AARS1: variants seen among roughly 807,000 people sequenced by gnomAD.
AARS1 encodes the protein alanyl-tRNA synthetase 1.
Under a neutral mutation model 108.9 loss-of-function variants are expected in AARS1, and 72 were observed. The ratio of observed to expected loss-of-function variants is 0.66; its 90% confidence interval spans 0.55 to 0.80. The LOEUF is 0.80. Among genes scored for constraint, AARS1 ranks in the 30% least tolerant of loss-of-function variants. The pLI is 0.00. For synonymous variants in AARS1, 489 were observed against 465.7 expected (o/e 1.05, Z -0.64); for missense variants, 1,193 against 1,233.2 (o/e 0.97, Z 0.49).
intron 1 of AARS1, among the ~76,000 whole-genome samples, chr16:70,286,883 A>C (rs182128947): frequency 8.5e-4 from 129 of 152,072 alleles, no homozygotes; most frequent in African/African-American, 2.9e-3. Context: ...TGGGGGGCCG[A>C]GGCGGGTGGA....
rs1959891484 is a variant in AARS1, at chr16:70,253,319, G to A, written c.2670C>T (p.Phe890=). The A allele has an allele frequency of 6.2e-7, 1 of 1,614,088 alleles. No homozygotes were observed. Among genetic ancestry groups the A allele is most frequent in the Non-Finnish European group, 8.5e-7 (1 of 1,180,028 alleles). Reference sequence around the variant, plus strand: ...TCTTGCCAGCCTCATTGTCCACCGTGAAGAGCATGGCAGAAGTCTGAGGGG... The same window carrying A: ...TCTTGCCAGCCTCATTGTCCACCGTAAAGAGCATGGCAGAAGTCTGAGGGG... The part of the protein sequence containing the change: ...MHSPQTSAML[F]TVDNEAGKIT... The change falls in exon 20 of 21, where the codon TTC becomes TTT. Residue 890 remains phenylalanine (F), a synonymous_variant. Transcript: ENST00000261772.
rs1960123149 is a variant in AARS1 at position 70,261,153 on chromosome 16, G to A, written c.1676C>T (p.Thr559Ile). ...CTGAGCATTCTTCACTGTAAACTCT[G>A]TTTTCTAAGAGGGGTCAAGGAAGAG... is the stretch of plus-strand genomic sequence containing the variant. ...VKVDDSSEDK[T>I]EFTVKNAQVR... Residue 559 changes from threonine to isoleucine, a missense_variant, in exon 13 of 21, where the codon ACA becomes ATA. Coordinates refer to ENST00000261772, the MANE Select transcript of AARS1 (RefSeq NM_001605.3). 1 of 1,611,812 alleles carries A rather than the reference G, an allele frequency of 6.2e-7. No homozygotes were observed. Among genetic ancestry groups the A allele is most frequent in the Non-Finnish European group, 8.5e-7 (1 of 1,178,294 alleles).
intron 16 of AARS1, 104 bp from the exon 17 acceptor site, chr16:70,254,838 C>T (rs1959940729): frequency 4.0e-6 from 3 of 745,256 alleles, no homozygotes; most frequent in Middle Eastern, 3.3e-4. Flanking sequence ...CTTGCAGCAA[C>T]ATACCCCAAC....
At chr16:70,275,911 T>C (rs1175893983) in intron 4 of AARS1, among the ~76,000 whole-genome samples, 1 of 111,646 alleles carries the variant, frequency 9.0e-6, no homozygotes, top group Non-Finnish European at 1.6e-5. Flanking sequence ...CACTCCAGTC[T>C]GGGAGACAGA....
At chr16:70,269,322 G>GAAAAAAAAAAAAAAAAAAAAAAAAAA (rs56394253) in intron 7 of AARS1, among the ~76,000 whole-genome samples, 3 of 64,268 alleles carry the variant, frequency 4.7e-5, no homozygotes, top group African/African-American at 2.0e-4. Flanking sequence ...TTCTGTCTCA[G>GAAAAAAAAAAAAAAAAAAAAAAAAAA]AAAAAAAAAA....
Position 70,269,675 on chromosome 16 carries a change from G to C in AARS1, c.905C>G (p.Ala302Gly). The C allele has an allele frequency of 6.2e-7, 1 of 1,614,180 alleles. No individual in the cohort carries two copies. Among genetic ancestry groups the C allele is most frequent in the Non-Finnish European group, 8.5e-7 (1 of 1,180,030 alleles). Residue 302 changes from alanine (A) to glycine (G), a missense_variant, in exon 7 of 21, where the codon GCT becomes GGT. Coordinates refer to ENST00000261772, the MANE Select transcript of AARS1 (RefSeq NM_001605.3). Reference sequence around the variant, plus strand: ...AGCCAGTGCCACAGTGATGGTCCGAGCGTGGTCAGCCAGCACCCGGTAGGC... The same window carrying C: ...AGCCAGTGCCACAGTGATGGTCCGACCGTGGTCAGCCAGCACCCGGTAGGC... ...DMAYRVLADH[A>G]RTITVALADG... is the part of the protein sequence containing the mutation.
At chr16:70,268,913 G>C (rs1406918518) in intron 7 of AARS1, among the ~76,000 whole-genome samples, 1 of 152,188 alleles carries the variant, frequency 6.6e-6, no homozygotes, top group Non-Finnish European at 1.5e-5. Flanking sequence ...ATGGCTTTAA[G>C]TTTCATAAAG....
intron 11 of AARS1, among the ~76,000 whole-genome samples, chr16:70,263,185 AG>A (rs1960185651): frequency 6.6e-6 from 1 of 152,002 alleles, no homozygotes; most frequent in Non-Finnish European, 1.5e-5. Flanking sequence ...TCAGATTAGT[AG>A]ATCTTTAAGA....
intron 20 of AARS1, 103 bp from the exon 21 acceptor site, chr16:70,253,009 G>C (rs1959880038): frequency 1.5e-6 from 2 of 1,303,244 alleles, no homozygotes; most frequent in Non-Finnish European, 2.2e-6. Context: ...TCCTTGCCCT[G>C]GGTGATACTG....
Position 70,267,758 on chromosome 16 carries a change from T to C in AARS1, c.1123A>G (p.Ile375Val). 1 of 1,614,208 alleles carries C rather than the reference T, an allele frequency of 6.2e-7. No homozygotes were observed. The highest frequency in any genetic ancestry group is 1.3e-5 in the African/African-American group (1 of 75,064). The change falls in exon 9 of 21, where the codon ATT becomes GTT. Residue 375 changes from isoleucine to valine, a missense_variant. Ile to Val is a conservative substitution (Grantham distance 29, BLOSUM62 3). Coordinates refer to ENST00000261772, the MANE Select transcript of AARS1 (RefSeq NM_001605.3). ...AGAAACTGCACCTCTTCTTCATTAA[T>C]GATGTCCTTCACCATGTCTGGGTCC... ...KKDPDMVKDI[I>V]NEEEVQFLKT...
At chr16:70,264,257 A>G (rs1340134230) in intron 11 of AARS1, among the ~76,000 whole-genome samples, 3 of 151,888 alleles carry the variant, frequency 2.0e-5, no homozygotes, top group Non-Finnish European at 2.9e-5. Context: ...GAAAAAAAAA[A>G]GAATGCTATT....
At position 70,270,339 on chromosome 16, in the gene AARS1, C is replaced by T; in HGVS notation, c.673G>A (p.Glu225Lys). Residue 225 changes from glutamate to lysine, a missense_variant and splice_region_variant, in exon 6 of 21, where the codon GAA becomes AAA. Glu to Lys is a moderately conservative substitution (Grantham distance 56). Transcript: ENST00000261772. ...AGAGGTTTCAGAATGCCATCAGCTT[C>T]CCTGTATGATCCAGAAGAAGAGGAG... Reference protein sequence around the residue: ...WNLVFIQYNREADGILKPLPK... With the variant: ...WNLVFIQYNRKADGILKPLPK... 1 of 1,614,166 alleles carries T rather than the reference C, an allele frequency of 6.2e-7. No individual in the cohort carries two copies. The highest frequency in any genetic ancestry group is 8.5e-7 in the Non-Finnish European group (1 of 1,180,026).
chr16:70,268,296 A>G lies in AARS1; in HGVS notation c.1046T>C (p.Leu349Ser). ...CAGGGACTGGACGACAACATCCACT[A>G]ACGTAGCAAAGAAGCCCCTGCTGGC... ...LNASRGFFAT[L>S]VDVVVQSLGD... The change falls in exon 8 of 21, where the codon TTA (leucine) becomes TCA (serine). Residue 349 changes from leucine to serine, a missense_variant. Leu to Ser is a moderately radical substitution (Grantham distance 145, BLOSUM62 -2). Transcript: ENST00000261772. 6.2e-7 allele frequency: 1 copy of G among 1,614,154 alleles called. No homozygotes were observed. Among genetic ancestry groups the G allele is most frequent in the Non-Finnish European group, 8.5e-7 (1 of 1,180,016 alleles).
At chr16:70,287,880 C>T (rs1400321464) in intron 1 of AARS1, among the ~76,000 whole-genome samples, 11 of 152,094 alleles carry the variant, frequency 7.2e-5, no homozygotes, top group Non-Finnish European at 1.5e-4. Flanking sequence ...ATTCTCCTGC[C>T]TCAGCCTCCT....
intron 1 of AARS1, among the ~76,000 whole-genome samples, chr16:70,284,807 C>T (rs1235591364): frequency 6.6e-6 from 1 of 152,176 alleles, no homozygotes; most frequent in African/African-American, 2.4e-5. Context: ...CCAGACCCAA[C>T]CGTAACCTTA....
At chr16:70,254,766 G>A (rs763068095) in intron 16 of AARS1, 32 bp from the exon 17 acceptor site, 51 of 1,450,378 alleles carry the variant, frequency 3.5e-5, no homozygotes, top group Non-Finnish European at 4.6e-5. Flanking sequence ...ACCCCAAGCA[G>A]GAGGTCTGAG....
At chr16:70,285,513 A>G (rs1307893293) in intron 1 of AARS1, among the ~76,000 whole-genome samples, 3 of 151,968 alleles carry the variant, frequency 2.0e-5, no homozygotes, top group Non-Finnish European at 4.4e-5. Flanking sequence ...CTGTGGCGCA[A>G]TCTCAGCTCA....
chr16:70,271,191 A>AACAAAT lies in AARS1; in HGVS notation c.671+589_671+590insATTTGT, dbSNP rs1285901238. Among the ~76,000 whole-genome samples, 4 of 151,418 alleles carry AACAAAT rather than the reference A, an allele frequency of 2.6e-5. No individual in the cohort carries two copies. In the East Asian group the frequency reaches 5.8e-4, roughly 22 times the overall value. On this transcript the variant is annotated intron_variant, in intron 5 of 20. Coordinates refer to ENST00000261772, the MANE Select transcript of AARS1 (RefSeq NM_001605.3). Reference sequence around the variant, plus strand: ...CTCCATCTCCAAAAACAAAAACAAAAACAAAAACAAAACTGAGGCAAGCTT... The same window carrying AACAAAT: ...CTCCATCTCCAAAAACAAAAACAAAAACAAATACAAAAACAAAACTGAGGCAAGCTT...
intron 1 of AARS1, among the ~76,000 whole-genome samples, chr16:70,284,084 G>A (rs1447322584): frequency 6.6e-6 from 1 of 152,084 alleles, no homozygotes; most frequent in Non-Finnish European, 1.5e-5. Context: ...GGTGGATCAC[G>A]AGGTCAGGAG....
Sources: gnomAD v4.1 joint callset for allele counts (sites outside exome capture counted in the v4.1 genomes callset) on GRCh38, gnomAD v4.1.1 for gene constraint, MANE v1.5 for transcripts, NCBI Gene and HGNC (gene_info 2026-07-23, HGNC 2026-07-21) for gene names.